CPQ: variants seen among roughly 807,000 people sequenced by gnomAD.
CPQ encodes the protein carboxypeptidase Q, also known as Ser-Met dipeptidase.
A neutral mutation model predicts 45.7 loss-of-function variants in CPQ; 37 were observed. The ratio of observed to expected loss-of-function variants is 0.81; its 90% confidence interval spans 0.62 to 1.07. The LOEUF is 1.07. CPQ is among the 50% of genes least tolerant of loss of function. CPQ has a pLI of 0.00. For synonymous variants in CPQ, 186 were observed against 205.8 expected, an observed-to-expected ratio of 0.90 and a Z score of 0.82; for missense variants, 537 against 572.9, an observed-to-expected ratio of 0.94 and a Z score of 0.64.
intron 3 of CPQ, among the ~76,000 whole-genome samples, chr8:96,879,464 C>T (rs1812191094): frequency 6.6e-6 from 1 of 152,106 alleles, no homozygotes; most frequent in South Asian, 2.1e-4. Context: ...TTCAGAGTTC[C>T]CTTGTCTCCT....
rs111605435 is a variant in CPQ at position 96,728,757 on chromosome 8, G to A, written c.-34-56107G>A. On this transcript the variant is annotated intron_variant, in intron 1 of 7. Coordinates refer to ENST00000220763, the MANE Select transcript of CPQ (RefSeq NM_016134.4). ...TGTTCTGTCAGGTGGGAGATTATGG[G>A]TAAGGTCTGAGATTGAGTGGAGTTC... Among the ~76,000 whole-genome samples, 905 of 152,236 alleles carry A rather than the reference G, an allele frequency of 5.9e-3. 16 individuals are homozygous for A. Among genetic ancestry groups the A allele is most frequent in the African/African-American group, 0.016 (655 of 41,566 alleles).
chr8:96,967,041 TCA>T (rs1813578350), intron 5 of CPQ, among the ~76,000 whole-genome samples: 1 of 152,172 alleles, frequency 6.6e-6, no homozygotes, highest in African/African-American at 2.4e-5. Flanking sequence ...AAACTGAAAA[TCA>T]CACATTCCTT....
chr8:96,773,137 AT>A (rs1810567247), intron 1 of CPQ, among the ~76,000 whole-genome samples: 1 of 152,178 alleles, frequency 6.6e-6, no homozygotes, highest in African/African-American at 2.4e-5. Flanking sequence ...AGGAAAAGTG[AT>A]TGTTAAAATG....
At chr8:96,781,288 G>A (rs1210860326) in intron 1 of CPQ, among the ~76,000 whole-genome samples, 1 of 152,072 alleles carries the variant, frequency 6.6e-6, no homozygotes, top group African/African-American at 2.4e-5. Context: ...AAATTAATTG[G>A]TTTACAATTC....
At chr8:96,887,226 A>G (rs1812317102) in intron 4 of CPQ, among the ~76,000 whole-genome samples, 1 of 152,234 alleles carries the variant, frequency 6.6e-6, no homozygotes, top group African/African-American at 2.4e-5. Flanking sequence ...TAAATTTTTT[A>G]GAAATAATTT....
chr8:96,878,594 A>G (rs895704684), intron 3 of CPQ, among the ~76,000 whole-genome samples: 1 of 152,208 alleles, frequency 6.6e-6, no homozygotes, highest in Non-Finnish European at 1.5e-5. Context: ...TCTGTTTTTA[A>G]CAATTCTACA....
At chr8:96,860,476 C>A (rs1283054762) in intron 3 of CPQ, among the ~76,000 whole-genome samples, 1 of 152,112 alleles carries the variant, frequency 6.6e-6, no homozygotes, top group Non-Finnish European at 1.5e-5. Context: ...TATTTGAATA[C>A]CTTTTCCAAT....
chr8:96,739,218 T>C (rs1810042794), intron 1 of CPQ, among the ~76,000 whole-genome samples: 1 of 149,322 alleles, frequency 6.7e-6, no homozygotes, highest in Non-Finnish European at 1.5e-5. Context: ...CCAGTGATGG[T>C]GAGCATTTTT....
chr8:96,715,925 G>C (rs1809667827), intron 1 of CPQ, among the ~76,000 whole-genome samples: 1 of 152,206 alleles, frequency 6.6e-6, no homozygotes. Flanking sequence ...GATGTGAACT[G>C]TCCTCAAGTC....
chr8:97,034,544 T>A (rs1400690491), intron 6 of CPQ, among the ~76,000 whole-genome samples: 1 of 152,246 alleles, frequency 6.6e-6, no homozygotes, highest in Non-Finnish European at 1.5e-5. Flanking sequence ...TCATTTTTCT[T>A]GCTGTTTTAT....
chr8:96,999,626 T>C (rs1809236189), intron 5 of CPQ, among the ~76,000 whole-genome samples: 1 of 152,094 alleles, frequency 6.6e-6, no homozygotes, highest in Non-Finnish European at 1.5e-5. Context: ...ACATTTTCTT[T>C]ATCGAGCCTA....
At chr8:97,097,215 G>GT (rs1423644945) in intron 7 of CPQ, among the ~76,000 whole-genome samples, 11 of 152,026 alleles carry the variant, frequency 7.2e-5, no homozygotes, top group Non-Finnish European at 1.6e-4. Flanking sequence ...TAACTATTTT[G>GT]TGGGTATATT....
At chr8:96,926,716 T>C (rs963822459) in intron 4 of CPQ, among the ~76,000 whole-genome samples, 2 of 151,680 alleles carry the variant, frequency 1.3e-5, no homozygotes, top group Non-Finnish European at 2.9e-5. Context: ...CTGGGGTACA[T>C]GTGCAGAACG....
At chr8:97,016,866 A>G (rs1325673100) in intron 5 of CPQ, among the ~76,000 whole-genome samples, 2 of 152,220 alleles carry the variant, frequency 1.3e-5, no homozygotes, top group African/African-American at 4.8e-5. Flanking sequence ...TAGGATGAGA[A>G]GCAGAAGCAG....
chr8:96,957,036 G>A (rs116111169), intron 4 of CPQ, among the ~76,000 whole-genome samples: 1,693 of 152,352 alleles, frequency 0.011, 35 homozygotes, highest in African/African-American at 0.039. Flanking sequence ...AGGTCATTGA[G>A]AAGTCTTCTT....
intron 2 of CPQ, among the ~76,000 whole-genome samples, chr8:96,800,128 A>G (rs1810987155): frequency 6.6e-6 from 1 of 152,206 alleles, no homozygotes. Flanking sequence ...AGGAATAAAT[A>G]TGTGGGCCTA....
chr8:96,696,452 T>TAAAA (rs536986208), intron 1 of CPQ, among the ~76,000 whole-genome samples: 1 of 146,414 alleles, frequency 6.8e-6, no homozygotes, highest in African/African-American at 2.5e-5. Context: ...AATAATAAAT[T>TAAAA]AAAAAAAAAG....
At chr8:96,773,242 ATTTG>A (rs1304648083) in intron 1 of CPQ, among the ~76,000 whole-genome samples, 2 of 152,220 alleles carry the variant, frequency 1.3e-5, no homozygotes, top group Non-Finnish European at 2.9e-5. Flanking sequence ...ATATTGTGCT[ATTTG>A]TTTAATATGC....
intron 7 of CPQ, among the ~76,000 whole-genome samples, chr8:97,119,925 G>T (rs1487927827): frequency 6.6e-6 from 1 of 152,164 alleles, no homozygotes; most frequent in African/African-American, 2.4e-5. Context: ...GGGGCCTTCT[G>T]GGCACATGAG....
Sources: allele counts gnomAD v4.1 joint callset (sites outside exome capture counted in the v4.1 genomes callset), GRCh38; gene constraint gnomAD v4.1.1; transcripts MANE v1.5; gene names NCBI Gene and HGNC (gene_info 2026-07-23, HGNC 2026-07-21).